ABCA13: variants seen among roughly 807,000 people sequenced by gnomAD.
ABCA13 encodes the protein ATP-binding cassette sub-family A member 13.
A neutral mutation model predicts 478.7 loss-of-function variants in ABCA13; 476 were observed. The ratio of observed to expected loss-of-function variants is 0.99; its 90% CI spans 0.92 to 1.07. ABCA13 has a LOEUF of 1.07. Among genes scored for constraint, ABCA13 ranks in the 50% least tolerant of loss-of-function variants. ABCA13 has a pLI of 0.00. For missense variants in ABCA13, 6,060 were observed against 5,910.6 expected (o/e 1.03, Z -0.83); for synonymous variants, 2,252 against 2,158.9 (o/e 1.04, Z -1.20).
At chr7:48,559,272 C>G (rs965600200) in intron 55 of ABCA13, among the ~76,000 whole-genome samples, 1 of 152,140 alleles carries the variant, frequency 6.6e-6, no homozygotes, top group African/African-American at 2.4e-5. Flanking sequence ...CTTTTCCTCC[C>G]TTTTGACTGT....
intron 42 of ABCA13, 88 bp from the exon 43 acceptor site, chr7:48,454,949 C>A (rs1452337214): frequency 4.9e-6 from 7 of 1,416,688 alleles, no homozygotes; most frequent in Non-Finnish European, 6.4e-6. Context: ...TGCGAGATGC[C>A]GCAGGGTCAC....
At chr7:48,281,551 A>G (rs1324105848) in intron 19 of ABCA13, 99 bp downstream of exon 19, 4 of 1,069,072 alleles carry the variant, frequency 3.7e-6, no homozygotes, top group African/African-American at 1.6e-5. Context: ...AGTTTCTTTT[A>G]GAACAAAGCA....
At chr7:48,619,510 A>G (rs1014801709) in intron 59 of ABCA13, among the ~76,000 whole-genome samples, 5 of 152,204 alleles carry the variant, frequency 3.3e-5, no homozygotes, top group African/African-American at 1.2e-4. Context: ...TCTTTAACAA[A>G]TGTTTATTGA....
chr7:48,245,503 A>G lies in ABCA13; in HGVS notation c.1391-9A>G, dbSNP rs1791529909. ...TAGGTGAATAATAATCAATTTGTCT[A>G]CTTTGCAGAAGTCCTCATTTGCCTG... On this transcript the variant is annotated splice_polypyrimidine_tract_variant and intron_variant, in intron 11 of 61. Coordinates refer to ENST00000435803, the MANE Select transcript of ABCA13 (RefSeq NM_152701.5). 1.9e-6 allele frequency: 3 copies of G among 1,603,244 alleles called. No individual in the cohort carries two copies. The highest frequency in any genetic ancestry group is 2.6e-6 in the Non-Finnish European group (3 of 1,175,416).
chr7:48,365,161 C>T (rs1457383125), intron 31 of ABCA13, among the ~76,000 whole-genome samples: 1 of 151,920 alleles, frequency 6.6e-6, no homozygotes, highest in East Asian at 1.9e-4. Context: ...TTTGATGATT[C>T]ATGATGTTCA....
At position 48,275,466 on chromosome 7, in the gene ABCA13, C is replaced by A; in HGVS notation, c.5800C>A (p.Gln1934Lys). 6.2e-7 allele frequency: 1 copy of A among 1,613,882 alleles called. No homozygotes were observed. The highest frequency in any genetic ancestry group is 8.5e-7 in the Non-Finnish European group (1 of 1,179,854). ...ILPFVPPSINQTRDSISELCP... is the reference protein window; with the variant it reads ...ILPFVPPSINKTRDSISELCP... ...ACCGTTTGTCCCACCTTCAATAAAT[C>A]AAACTAGGGATAGCATCTCTGAACT... Residue 1934 changes from glutamine (Q) to lysine (K), a missense_variant, in exon 17 of 62, where the codon CAA (glutamine) becomes AAA (lysine). Gln to Lys is a moderately conservative substitution (Grantham distance 53). This residue lies in a region of ABCA13 where 4,423 missense variants were observed against 4,309.1 expected (regional missense o/e 1.03). Transcript: ENST00000435803.
chr7:48,520,546 C>T (rs577777807), intron 53 of ABCA13, among the ~76,000 whole-genome samples: 303 of 152,066 alleles, frequency 2.0e-3, no homozygotes, highest in Middle Eastern at 6.8e-3. Context: ...AGCATATTTT[C>T]TTTTTTTAAA....
chr7:48,266,091 T>A (rs1256086026), intron 15 of ABCA13, among the ~76,000 whole-genome samples: 45 of 151,766 alleles, frequency 3.0e-4, no homozygotes, highest in Non-Finnish European at 7.4e-5. Context: ...TTATTTTAAA[T>A]GTTAAATTAA....
At chr7:48,193,687 G>C (rs978852251) in intron 2 of ABCA13, among the ~76,000 whole-genome samples, 1 of 148,328 alleles carries the variant, frequency 6.7e-6, no homozygotes, top group Non-Finnish European at 1.5e-5. Context: ...GATGATGATA[G>C]TGATGATGGT....
intron 57 of ABCA13, among the ~76,000 whole-genome samples, chr7:48,593,260 G>A (rs1406913075): frequency 2.8e-5 from 4 of 142,446 alleles, no homozygotes; most frequent in Admixed American, 7.0e-5. Flanking sequence ...GTGTGTGTGT[G>A]TATGTGTGTG....
intron 15 of ABCA13, among the ~76,000 whole-genome samples, chr7:48,260,533 T>G (rs1794029853): frequency 6.6e-6 from 1 of 152,050 alleles, no homozygotes. Context: ...TTCTTAATTT[T>G]GTGGGGAATC....
intron 55 of ABCA13, among the ~76,000 whole-genome samples, chr7:48,532,076 C>T (rs1833277217): frequency 6.6e-6 from 1 of 151,936 alleles, no homozygotes; most frequent in Non-Finnish European, 1.5e-5. Flanking sequence ...TGTCTTGTTC[C>T]AATTCTCAGG....
At position 48,410,373 on chromosome 7, in the gene ABCA13, G is replaced by C; in HGVS notation, c.12071-147G>C. The C allele has an allele frequency of 3.2e-6, 3 of 942,312 alleles. No individual in the cohort carries two copies. In the Admixed American group the frequency reaches 6.8e-5, roughly 22 times the overall value. 58.4% of individuals were successfully genotyped at this position (942,312 alleles called of 1,614,324 possible). On this transcript the variant is annotated intron_variant, in intron 39 of 61. Transcript: ENST00000435803. Reference sequence around the variant, plus strand: ...TTCAGGGCCTCGAATTGGCAAAGTGGCCAGGACGCATTTCAATTTTTTTCA... The same window carrying C: ...TTCAGGGCCTCGAATTGGCAAAGTGCCCAGGACGCATTTCAATTTTTTTCA...
At chr7:48,532,980 T>C (rs563684991) in intron 55 of ABCA13, among the ~76,000 whole-genome samples, 2 of 151,688 alleles carry the variant, frequency 1.3e-5, no homozygotes, top group Non-Finnish European at 2.9e-5. Context: ...ATCTTTTGCA[T>C]TTTTTTTGTT....
At chr7:48,372,536 A>G (rs1812806554) in intron 33 of ABCA13, 39 bp downstream of exon 33, 4 of 1,426,128 alleles carry the variant, frequency 2.8e-6, no homozygotes, top group Non-Finnish European at 2.8e-6. Flanking sequence ...AAAAAAAACA[A>G]CAAAATTGCA....
intron 1 of ABCA13, among the ~76,000 whole-genome samples, chr7:48,190,639 C>T (rs1796978493): frequency 1.3e-5 from 2 of 151,974 alleles, no homozygotes; most frequent in African/African-American, 2.4e-5. Flanking sequence ...ATATCACTGG[C>T]CCCAAATAGA....
intron 5 of ABCA13, among the ~76,000 whole-genome samples, chr7:48,226,165 G>C (rs1788180994): frequency 6.6e-6 from 1 of 152,148 alleles, no homozygotes; most frequent in African/African-American, 2.4e-5. Context: ...ATTTTGACCA[G>C]AGAAATGGGT....
intron 42 of ABCA13, among the ~76,000 whole-genome samples, chr7:48,452,151 C>T (rs957666790): frequency 6.6e-6 from 1 of 152,208 alleles, no homozygotes; most frequent in African/African-American, 2.4e-5. Flanking sequence ...TCTTTCCCCA[C>T]AGACTTATCG....
chr7:48,464,064 T>G (rs542049865), intron 43 of ABCA13, among the ~76,000 whole-genome samples: 1 of 152,270 alleles, frequency 6.6e-6, no homozygotes, highest in African/African-American at 2.4e-5. Flanking sequence ...GAGATGATTA[T>G]TAGAGAGAGT....
Sources: gnomAD v4.1 joint callset for allele counts (sites outside exome capture counted in the v4.1 genomes callset) on GRCh38, gnomAD v4.1.1 for gene constraint, gnomAD v4.1.1 regional missense constraint, MANE v1.5 for transcripts, NCBI Gene and HGNC (gene_info 2026-07-23, HGNC 2026-07-21) for gene names.